Variants in NALF1 observed in about 807,000 individuals in gnomAD.
NALF1 encodes family with sequence similarity 155 member A.
In NALF1, 3 loss-of-function variants were observed where a neutral mutation model predicts 48.4. The ratio of observed to expected loss-of-function variants is 0.06; its 90% confidence interval spans 0.03 to 0.16. NALF1 has a LOEUF of 0.16. Ranked by LOEUF, NALF1 falls within the 10% of genes least tolerant of loss-of-function variation. The pLI is 1.00. For synonymous variants in NALF1, 262 were observed against 245.7 expected (o/e 1.07, Z -0.62); for missense variants, 526 against 571.5 (o/e 0.92, Z 0.81).
intron 1 of NALF1, among the ~76,000 whole-genome samples, chr13:107,474,364 T>C (rs1269606265): frequency 2.0e-5 from 3 of 152,280 alleles, no homozygotes; most frequent in African/African-American, 7.2e-5. Context: ...AAGAATTGTG[T>C]TAGTTTTTAG....
At chr13:107,677,873 G>A (rs1308652431) in intron 1 of NALF1, among the ~76,000 whole-genome samples, 1 of 152,172 alleles carries the variant, frequency 6.6e-6, no homozygotes. Flanking sequence ...AATTCAGATG[G>A]TTGAAGGAAG....
At chr13:107,325,887 T>TATATATATATACAC (rs752320518) in intron 1 of NALF1, among the ~76,000 whole-genome samples, 15 of 58,880 alleles carry the variant, frequency 2.5e-4, no homozygotes, top group East Asian at 9.4e-4. Context: ...TATATATATA[T>TATATATATATACAC]ACACACACAC....
At chr13:107,476,177 G>A (rs1035015868) in intron 1 of NALF1, among the ~76,000 whole-genome samples, 1 of 152,166 alleles carries the variant, frequency 6.6e-6, no homozygotes, top group African/African-American at 2.4e-5. Context: ...TACAAAGAGT[G>A]TCCTGCCATT....
At chr13:107,443,169 AATCTATCTATCTATCTATCT>A (rs10564280) in intron 1 of NALF1, among the ~76,000 whole-genome samples, 11 of 128,426 alleles carry the variant, frequency 8.6e-5, no homozygotes, top group African/African-American at 2.1e-4. Flanking sequence ...TTTATCTAAC[AATCTATCTATCTATCTATCT>A]ATCTATCTAT....
Position 107,538,526 on chromosome 13 carries a change from T to C in NALF1, c.915+327156A>G, listed in dbSNP as rs75370741. On this transcript the variant is annotated intron_variant, in intron 1 of 2. Coordinates refer to ENST00000375915, the MANE Select transcript of NALF1 (RefSeq NM_001080396.3). The stretch of plus-strand genomic sequence containing the variant: ...ATGAAGGACCTACATGGAGTTCTAA[T>C]CATATGATCTCATAAATTCTGTTTG... Among the ~76,000 whole-genome samples the C allele has an allele frequency of 6.7e-3, 1,022 of 152,296 alleles. 30 individuals are homozygous for C. In the East Asian group the frequency reaches 0.078, roughly 12 times the overall value.
intron 1 of NALF1, among the ~76,000 whole-genome samples, chr13:107,767,616 CTTTCAT>C (rs1384306382): frequency 1.3e-5 from 2 of 152,124 alleles, no homozygotes; most frequent in African/African-American, 4.8e-5. Context: ...GTATCATGTG[CTTTCAT>C]GGGATAGTAT....
intron 1 of NALF1, among the ~76,000 whole-genome samples, chr13:107,545,587 C>T (rs568077500): frequency 7.2e-5 from 11 of 152,132 alleles, no homozygotes; most frequent in Admixed American, 4.6e-4. Context: ...ATCTGAAAGA[C>T]CCATAGGGTC....
chr13:107,339,500 G>C (rs138979877), intron 1 of NALF1, among the ~76,000 whole-genome samples: 1 of 152,200 alleles, frequency 6.6e-6, no homozygotes, highest in Non-Finnish European at 1.5e-5. Flanking sequence ...AACAAAGCCC[G>C]AGGGATAGTG....
At chr13:107,565,402 T>C (rs934258433) in intron 1 of NALF1, among the ~76,000 whole-genome samples, 2 of 105,244 alleles carry the variant, frequency 1.9e-5, no homozygotes, top group East Asian at 5.7e-4. Flanking sequence ...AAAAAAAAAG[T>C]AAAAAAGATT....
intron 1 of NALF1, among the ~76,000 whole-genome samples, chr13:107,751,310 AC>A (rs1259147063): frequency 1.3e-5 from 2 of 152,202 alleles, no homozygotes; most frequent in African/African-American, 4.8e-5. Flanking sequence ...ACTTATGGAA[AC>A]CTTTCTGTGT....
chr13:107,307,267 C>T (rs538053027), intron 1 of NALF1, among the ~76,000 whole-genome samples: 7 of 152,238 alleles, frequency 4.6e-5, no homozygotes, highest in Admixed American at 2.0e-4. Context: ...AGTGTCCACA[C>T]TGCATACCAT....
Position 107,765,961 on chromosome 13 carries a change from T to C in NALF1, c.915+99721A>G, listed in dbSNP as rs564558780. Among the ~76,000 whole-genome samples the C allele has an allele frequency of 2.2e-4, 33 of 152,278 alleles. 1 individual carries two copies. The South Asian group carries it at 6.8e-3, about 32-fold the overall frequency. On this transcript the variant is annotated intron_variant, in intron 1 of 2. Transcript: ENST00000375915. ...TAAATTCCTCTTTATCTAGGTCACA[T>C]TGCTCTCTTTTTAAAAAAATAGCTA...
At chr13:107,180,509 T>G (rs765964340) in intron 2 of NALF1, among the ~76,000 whole-genome samples, 11 of 152,172 alleles carry the variant, frequency 7.2e-5, no homozygotes, top group Admixed American at 3.3e-4. Context: ...CACTTTAAAA[T>G]TATAAAATAA....
At chr13:107,252,402 AG>A (rs1047392982) in intron 1 of NALF1, among the ~76,000 whole-genome samples, 7 of 151,704 alleles carry the variant, frequency 4.6e-5, no homozygotes, top group Admixed American at 3.3e-4. Flanking sequence ...AGAGAAAGAT[AG>A]AGAGGGGAGA....
intron 1 of NALF1, among the ~76,000 whole-genome samples, chr13:107,400,451 C>A (rs1002129478): frequency 6.6e-6 from 1 of 152,066 alleles, no homozygotes; most frequent in African/African-American, 2.4e-5. Context: ...CGTGATGGTT[C>A]ACACCTGTAA....
At chr13:107,390,447 G>C (rs1883604506) in intron 1 of NALF1, among the ~76,000 whole-genome samples, 1 of 151,960 alleles carries the variant, frequency 6.6e-6, no homozygotes, top group Non-Finnish European at 1.5e-5. Flanking sequence ...ATAATCTTTT[G>C]AATTCTTGAA....
intron 1 of NALF1, among the ~76,000 whole-genome samples, chr13:107,562,740 G>A (rs1247763761): frequency 6.6e-6 from 1 of 152,140 alleles, no homozygotes; most frequent in African/African-American, 2.4e-5. Flanking sequence ...TGTGCTCCTG[G>A]CTAAAAGAGC....
chr13:107,550,332 G>A (rs570989275), intron 1 of NALF1, among the ~76,000 whole-genome samples: 2 of 152,014 alleles, frequency 1.3e-5, no homozygotes, highest in African/African-American at 4.8e-5. Context: ...CTAGGGCTCC[G>A]ATTGTTTCAC....
At chr13:107,468,022 T>C (rs1023816245) in intron 1 of NALF1, among the ~76,000 whole-genome samples, 3 of 134,506 alleles carry the variant, frequency 2.2e-5, no homozygotes, top group East Asian at 2.2e-4. Context: ...CCCTCCAGCC[T>C]GGGCGACAGA....
Sources: allele counts gnomAD v4.1 joint callset (sites outside exome capture counted in the v4.1 genomes callset), GRCh38; gene constraint gnomAD v4.1.1; transcripts MANE v1.5; gene names NCBI Gene and HGNC (gene_info 2026-07-23, HGNC 2026-07-21).